The following ITSN1 variants were observed in gnomAD, a reference collection of about 807,000 sequenced individuals.
ITSN1 encodes intersectin-1.
Under a neutral mutation model 239.8 loss-of-function variants are expected in ITSN1, and 58 were observed. The ratio of observed to expected loss-of-function variants is 0.24; its 90% confidence interval spans 0.20 to 0.30. The LOEUF (loss-of-function observed/expected upper bound fraction) is 0.30. Among genes scored for constraint, ITSN1 ranks in the 10% least tolerant of loss-of-function variants. The pLI is 1.00. For synonymous variants in ITSN1, 780 were observed against 770.8 expected (o/e 1.01, Z -0.20); for missense variants, 1,558 against 2,103.3 (o/e 0.74, Z 5.07).
In ITSN1 at chr21:33,718,900, G is replaced by T. The variant is rs918463263; in HGVS notation, c.28+44G>T. 2.6e-6 allele frequency: 4 copies of T among 1,532,588 alleles called. No homozygotes were observed. The African/African-American group carries it at 4.1e-5, about 16-fold the overall frequency. 94.9% of individuals were successfully genotyped at this position (1,532,588 alleles called of 1,614,324 possible). A position where few individuals can be genotyped will look rare whatever the true frequency, so the allele number is the denominator to read the frequency against. On this transcript the variant is annotated intron_variant, in intron 2 of 39. Coordinates refer to ENST00000381318, the MANE Select transcript of ITSN1 (RefSeq NM_003024.3). ...CTCTTTTTAATGTACTTTGGGACCA[G>T]ATTTTAAAAACTTGATATTATGGCA... is the stretch of plus-strand genomic sequence containing the variant.
At chr21:33,773,598 G>T (rs2069352017) in intron 12 of ITSN1, among the ~76,000 whole-genome samples, 3 of 152,122 alleles carry the variant, frequency 2.0e-5, no homozygotes, top group African/African-American at 7.2e-5. Flanking sequence ...GAGGCCAGTA[G>T]TTGGAGGCCA....
At chr21:33,751,650 G>A (rs889156316) in intron 6 of ITSN1, among the ~76,000 whole-genome samples, 160 bp from the exon 7 acceptor site, 5 of 152,204 alleles carry the variant, frequency 3.3e-5, no homozygotes, top group African/African-American at 1.2e-4. Flanking sequence ...TTGGCAGGAG[G>A]ACAGAGGGTA....
chr21:33,697,343 A>G (rs759716231), intron 1 of ITSN1, among the ~76,000 whole-genome samples: 1 of 150,878 alleles, frequency 6.6e-6, no homozygotes, highest in African/African-American at 2.4e-5. Flanking sequence ...CGGTTTCCCA[A>G]AGCACTGAGA....
intron 20 of ITSN1, among the ~76,000 whole-genome samples, chr21:33,809,328 C>T (rs1366904090): frequency 6.6e-6 from 1 of 152,146 alleles, no homozygotes; most frequent in Non-Finnish European, 1.5e-5. Flanking sequence ...TTATCTGTGA[C>T]AATAAAGATT....
chr21:33,838,324 C>CT, intron 29 of ITSN1: 1 of 985,416 alleles, frequency 1.0e-6, no homozygotes, highest in Non-Finnish European at 1.2e-6. Context: ...GGTCCTTCTC[C>CT]TTTCACATGG....
At chr21:33,823,302 T>C (rs1408717323) in intron 24 of ITSN1, among the ~76,000 whole-genome samples, 185 bp from the exon 25 acceptor site, 1 of 152,186 alleles carries the variant, frequency 6.6e-6, no homozygotes, top group African/African-American at 2.4e-5. Flanking sequence ...TACTGAACTT[T>C]TATGTGCACT....
intron 29 of ITSN1, among the ~76,000 whole-genome samples, chr21:33,854,682 G>A (rs923285758): frequency 2.0e-5 from 3 of 152,220 alleles, no homozygotes; most frequent in African/African-American, 7.2e-5. Context: ...CATTGTTGGT[G>A]CAGCTGTTTT....
intron 32 of ITSN1, among the ~76,000 whole-genome samples, chr21:33,866,439 C>A (rs1450213849): frequency 1.3e-5 from 2 of 151,994 alleles, no homozygotes; most frequent in African/African-American, 4.8e-5. Context: ...TGCACTTGAA[C>A]TTCAGGAAAG....
intron 33 of ITSN1, among the ~76,000 whole-genome samples, chr21:33,869,288 C>T (rs747489019): frequency 5.3e-5 from 8 of 152,184 alleles, no homozygotes; most frequent in Non-Finnish European, 7.3e-5. Flanking sequence ...GAAGCAAACA[C>T]ATCCTTCTTC....
At chr21:33,729,393 C>T (rs2066025490) in intron 4 of ITSN1, among the ~76,000 whole-genome samples, 1 of 151,522 alleles carries the variant, frequency 6.6e-6, no homozygotes, top group Non-Finnish European at 1.5e-5. Flanking sequence ...GCCTGCATTG[C>T]GCTATGATTG....
Position 33,705,599 on chromosome 21 carries a change from A to G in ITSN1, c.-32-13198A>G, listed in dbSNP as rs548402140. ...AGTAGAGACAGGGTTTCACTGTGTT[A>G]GCCAGGATAGTCTTGATCTCCTGAC... On this transcript the variant is annotated intron_variant, in intron 1 of 39. Transcript: ENST00000381318. 3.3e-5 allele frequency among the ~76,000 whole-genome samples: 5 copies of G among 151,938 alleles called. No individual in the cohort carries two copies. In the East Asian group the frequency reaches 9.7e-4, roughly 29 times the overall value.
At chr21:33,784,117 G>GT (rs1298338998) in intron 16 of ITSN1, among the ~76,000 whole-genome samples, 14 of 151,828 alleles carry the variant, frequency 9.2e-5, no homozygotes, top group African/African-American at 3.4e-4. Context: ...ATTTCTTCTT[G>GT]TTTTTTAATT....
At chr21:33,680,893 A>G (rs1568923976) in intron 1 of ITSN1, among the ~76,000 whole-genome samples, 1 of 152,218 alleles carries the variant, frequency 6.6e-6, no homozygotes. Flanking sequence ...TGTTGTGTCA[A>G]AGTTTAGTCG....
chr21:33,690,812 T>TAC (rs1287409075), intron 1 of ITSN1, among the ~76,000 whole-genome samples: 1 of 17,164 alleles, frequency 5.8e-5, no homozygotes, highest in African/African-American at 3.5e-4. Flanking sequence ...TATATATATA[T>TAC]ATGTATATAT....
At chr21:33,654,876 T>G (rs1303250295) in intron 1 of ITSN1, among the ~76,000 whole-genome samples, 1 of 152,206 alleles carries the variant, frequency 6.6e-6, no homozygotes, top group East Asian at 1.9e-4. Context: ...AGTCTGTTCT[T>G]GGTCCAGCTG....
intron 16 of ITSN1, among the ~76,000 whole-genome samples, chr21:33,790,262 A>C (rs928660839): frequency 2.0e-5 from 3 of 151,686 alleles, no homozygotes; most frequent in Admixed American, 6.6e-5. Flanking sequence ...TTTAAAAAAA[A>C]CTTATTTTAA....
intron 1 of ITSN1, among the ~76,000 whole-genome samples, chr21:33,666,800 T>TTTTA (rs942438846): frequency 5.3e-5 from 8 of 152,124 alleles, no homozygotes; most frequent in Non-Finnish European, 7.4e-5. Flanking sequence ...CTTTTCAAAT[T>TTTTA]TTTATTTATT....
rs186747064 is a variant in ITSN1, at chr21:33,693,803, C to T, written c.-32-24994C>T. Among the ~76,000 whole-genome samples the T allele has an allele frequency of 1.4e-3, 217 of 152,274 alleles. 2 individuals carry two copies. Among genetic ancestry groups the T allele is most frequent in the Non-Finnish European group, 1.8e-4 (12 of 68,038 alleles). Reference sequence around the variant, plus strand: ...GCTTTTTTCTCTGGGCTTTCACAGTCCTGTGGAAGGGCACAGGGTTATCTT... The same window carrying T: ...GCTTTTTTCTCTGGGCTTTCACAGTTCTGTGGAAGGGCACAGGGTTATCTT... On this transcript the variant is annotated intron_variant, in intron 1 of 39. Transcript: ENST00000381318.
chr21:33,715,359 T>C (rs908796438), intron 1 of ITSN1, among the ~76,000 whole-genome samples: 5 of 152,158 alleles, frequency 3.3e-5, no homozygotes, highest in Admixed American at 3.3e-4. Context: ...CAATAACCTC[T>C]TTATTTTGCA....
Sources: allele counts gnomAD v4.1 joint callset (sites outside exome capture counted in the v4.1 genomes callset), GRCh38; gene constraint gnomAD v4.1.1; transcripts MANE v1.5; gene names NCBI Gene and HGNC (gene_info 2026-07-23, HGNC 2026-07-21).